ERC1: variants seen among roughly 807,000 people sequenced by gnomAD.
The protein encoded by ERC1 is ELKS/RAB6-interacting/CAST family member 1.
A neutral mutation model predicts 132.0 loss-of-function variants in ERC1; 56 were observed. The observed-to-expected ratio is 0.42, with a 90% confidence interval of 0.34 to 0.53. The LOEUF (loss-of-function observed/expected upper bound fraction) is 0.53, where lower values mean the gene tolerates loss of function less well. Ranked by LOEUF, ERC1 falls within the 20% of genes least tolerant of loss-of-function variation. The pLI is 0.03. For missense variants in ERC1, 1,202 were observed against 1,349.9 expected, an observed-to-expected ratio of 0.89 and a Z score of 1.72; for synonymous variants, 478 against 476.1, an observed-to-expected ratio of 1.00 and a Z score of -0.05.
chr12:1,149,888 A>G (rs1950686782), intron 8 of ERC1, among the ~76,000 whole-genome samples: 1 of 152,196 alleles, frequency 6.6e-6, no homozygotes, highest in South Asian at 2.1e-4. Context: ...ATTAGGAATG[A>G]CATGGGTGGT....
chr12:1,469,356 A>C (rs1174288716), intron 18 of ERC1, among the ~76,000 whole-genome samples: 1 of 152,210 alleles, frequency 6.6e-6, no homozygotes, highest in Non-Finnish European at 1.5e-5. Flanking sequence ...AGCAGCCTCC[A>C]CGGGCTGTGT....
chr12:1,322,472 A>G (rs191248528), intron 15 of ERC1, among the ~76,000 whole-genome samples: 8 of 152,208 alleles, frequency 5.3e-5, no homozygotes, highest in Admixed American at 3.3e-4. Flanking sequence ...CATTTGTACA[A>G]TTTTCTATGA....
rs139556877 is a variant in ERC1 at position 1,333,124 on chromosome 12, G to A, written c.2781-38709G>A. Among the ~76,000 whole-genome samples the A allele has an allele frequency of 1.5e-4, 22 of 147,738 alleles. 1 individual carries two copies. The East Asian group carries it at 3.4e-3, about 23-fold the overall frequency. The stretch of plus-strand genomic sequence containing the variant: ...TCTCACCCCCCCTCCTCCATTAGGC[G>A]CCAGTGGCTGTTGTTCCCCTCTATG... On this transcript the variant is annotated intron_variant, in intron 15 of 18. Transcript: ENST00000360905.
chr12:1,091,658 A>G (rs1310029862), intron 3 of ERC1, among the ~76,000 whole-genome samples: 1 of 152,202 alleles, frequency 6.6e-6, no homozygotes, highest in Admixed American at 6.5e-5. Context: ...ATCCTTGCAG[A>G]TAATGCAACC....
chr12:1,339,944 A>C (rs1425004006), intron 15 of ERC1, among the ~76,000 whole-genome samples: 1 of 152,162 alleles, frequency 6.6e-6, no homozygotes, highest in African/African-American at 2.4e-5. Flanking sequence ...ACACATGCAC[A>C]CTGGCAGGGC....
chr12:1,482,753 T>G (rs1158434961), intron 18 of ERC1, among the ~76,000 whole-genome samples: 1 of 152,094 alleles, frequency 6.6e-6, no homozygotes, highest in Non-Finnish European at 1.5e-5. Context: ...GGCCAATTTT[T>G]TTATAGTTTT....
intron 15 of ERC1, among the ~76,000 whole-genome samples, chr12:1,334,301 TTTG>T (rs2083128222): frequency 6.6e-6 from 1 of 152,240 alleles, no homozygotes; most frequent in Non-Finnish European, 1.5e-5. Flanking sequence ...TTATAAAATC[TTTG>T]CCCATTCCTG....
intron 15 of ERC1, among the ~76,000 whole-genome samples, chr12:1,327,973 A>C (rs916598597): frequency 2.0e-5 from 3 of 152,082 alleles, no homozygotes; most frequent in South Asian, 4.1e-4. Context: ...TAGCTTTTTC[A>C]ACCTTTGAGA....
chr12:1,195,363 C>T (rs1956123596), intron 12 of ERC1, among the ~76,000 whole-genome samples: 1 of 152,172 alleles, frequency 6.6e-6, no homozygotes, highest in African/African-American at 2.4e-5. Flanking sequence ...TTTGCCTTAA[C>T]ATTTAATTTT....
At chr12:1,301,982 T>C (rs1278039890) in intron 15 of ERC1, among the ~76,000 whole-genome samples, 3 of 152,184 alleles carry the variant, frequency 2.0e-5, no homozygotes, top group Non-Finnish European at 2.9e-5. Context: ...GAAGGTATTA[T>C]AGAAATACTT....
rs1333168580 is a variant in ERC1, at chr12:1,490,320, CA to C, written c.*93del. 8 of 1,256,164 alleles carry C rather than the reference CA, an allele frequency of 6.4e-6. No homozygotes were observed. In the Admixed American group the frequency reaches 1.2e-4, roughly 18 times the overall value. The allele number at this position is 1,256,164 out of a possible 1,614,324, so 77.8% of individuals were successfully genotyped here. On this transcript the variant is annotated 3_prime_UTR_variant, in exon 19 of 19. Transcript: ENST00000360905. ...CAGGTGCCCGGAACCTTCTTGGCAC[CA>C]AACACTACAAACTTCATCCCAACTT...
In ERC1 at chr12:1,396,491, C is replaced by T. The variant is rs970985867; in HGVS notation, c.2926-11658C>T. On this transcript the variant is annotated intron_variant, in intron 16 of 18. Transcript: ENST00000360905. ...GATAGAAAGATGAATGAGACTCTGT[C>T]GCAGCCCTCATAAACTCAAATCTAT... Among the ~76,000 whole-genome samples the T allele has an allele frequency of 5.3e-5, 8 of 152,156 alleles. No homozygotes were observed. In the South Asian group the frequency reaches 1.0e-3, roughly 20 times the overall value.
chr12:1,282,971 G>C lies in ERC1; in HGVS notation c.2620-6881G>C, dbSNP rs145787635. On this transcript the variant is annotated intron_variant, in intron 14 of 18. Transcript: ENST00000360905. ...TAACAAGATTTTCCATACGCATCTT[G>C]GAAACTACAAAAAGTGTTTTTCTCC... Among the ~76,000 whole-genome samples, 10 of 152,212 alleles carry C rather than the reference G, an allele frequency of 6.6e-5. No homozygotes were observed. In the East Asian group the frequency reaches 7.7e-4, roughly 12 times the overall value.
At chr12:1,271,221 A>G (rs952530788) in intron 14 of ERC1, among the ~76,000 whole-genome samples, 1 of 152,242 alleles carries the variant, frequency 6.6e-6, no homozygotes, top group Non-Finnish European at 1.5e-5. Context: ...AAAAATGTGT[A>G]GAGAGACTTT....
chr12:1,451,548 T>C (rs2093425681), intron 18 of ERC1, among the ~76,000 whole-genome samples: 1 of 152,144 alleles, frequency 6.6e-6, no homozygotes, highest in South Asian at 2.1e-4. Flanking sequence ...TCACTTTAGC[T>C]CAGCAGTTCA....
At chr12:1,278,186 A>G (rs2078414777) in intron 14 of ERC1, among the ~76,000 whole-genome samples, 1 of 152,212 alleles carries the variant, frequency 6.6e-6, no homozygotes, top group Non-Finnish European at 1.5e-5. Flanking sequence ...CTTCAAAGAG[A>G]ATTCTGCCAT....
chr12:1,426,671 G>A (rs1370003884), intron 17 of ERC1, among the ~76,000 whole-genome samples: 1 of 152,146 alleles, frequency 6.6e-6, no homozygotes, highest in Non-Finnish European at 1.5e-5. Context: ...TTCGTCTAGT[G>A]TGGTATAGTA....
intron 12 of ERC1, among the ~76,000 whole-genome samples, chr12:1,226,466 T>G (rs2074580897): frequency 6.6e-6 from 1 of 152,180 alleles, no homozygotes; most frequent in African/African-American, 2.4e-5. Context: ...AAATTTCAAG[T>G]GCGCCGAACA....
chr12:1,274,218 A>T (rs1001888653), intron 14 of ERC1, among the ~76,000 whole-genome samples: 1 of 152,134 alleles, frequency 6.6e-6, no homozygotes, highest in Admixed American at 6.5e-5. Context: ...TCATCCATTC[A>T]TTTCGCTGTT....
Sources: gnomAD v4.1 joint callset for allele counts (sites outside exome capture counted in the v4.1 genomes callset) on GRCh38, gnomAD v4.1.1 for gene constraint, MANE v1.5 for transcripts, NCBI Gene and HGNC (gene_info 2026-07-23, HGNC 2026-07-21) for gene names.